Variants in TMEM132B observed in about 807,000 individuals in gnomAD.
TMEM132B encodes transmembrane protein 132B.
In TMEM132B, 18 loss-of-function variants were observed where a neutral mutation model predicts 90.8. That is an observed-to-expected ratio of 0.20 (90% CI 0.14 to 0.29). TMEM132B has a LOEUF of 0.29. Ranked by LOEUF, TMEM132B falls within the 10% of genes least tolerant of loss-of-function variation. The pLI is 1.00. For missense variants in TMEM132B, 1,096 were observed against 1,326.8 expected (o/e 0.83, Z 2.70); for synonymous variants, 504 against 523.3 (o/e 0.96, Z 0.50).
At chr12:125,358,756 A>G (rs1390756158) in intron 2 of TMEM132B, among the ~76,000 whole-genome samples, 3 of 152,148 alleles carry the variant, frequency 2.0e-5, no homozygotes, top group African/African-American at 7.2e-5. Flanking sequence ...CCGTTTCTCC[A>G]CTGTAAAGTT....
rs1160464360 is a variant in TMEM132B at position 125,407,765 on chromosome 12, T to TG, written c.960-7762dup. On this transcript the variant is annotated intron_variant, in intron 2 of 8. Coordinates refer to ENST00000682704, the MANE Select transcript of TMEM132B (RefSeq NM_001366854.1). This position sits in a 1 kb window ranked among gnomAD's most constrained non-coding sequence, Gnocchi z 6.7. ...TGGGGGAGAAACGCCTCTGTGTGTC[T>TG]GGGGTGGTGACATTTGGGTTCACCT... 1.3e-5 allele frequency among the ~76,000 whole-genome samples: 2 copies of TG among 152,134 alleles called. No individual in the cohort carries two copies. Among genetic ancestry groups the TG allele is most frequent in the Non-Finnish European group, 2.9e-5 (2 of 68,024 alleles).
chr12:125,608,612 G>A (rs1488895449), intron 5 of TMEM132B, among the ~76,000 whole-genome samples: 2 of 152,010 alleles, frequency 1.3e-5, no homozygotes, highest in Admixed American at 1.3e-4. Context: ...TTATTCAATT[G>A]TACTTTTGAT....
chr12:125,384,700 G>T (rs1282347731), intron 2 of TMEM132B, among the ~76,000 whole-genome samples: 1 of 152,120 alleles, frequency 6.6e-6, no homozygotes, highest in African/African-American at 2.4e-5. Context: ...GCTCAGGCTG[G>T]AGTGCGGCAG....
chr12:125,273,093 C>A (rs914881608), intron 1 of TMEM132B, among the ~76,000 whole-genome samples: 9 of 152,064 alleles, frequency 5.9e-5, no homozygotes, highest in African/African-American at 2.2e-4. Context: ...GGAATAAAAC[C>A]GTACAATGAA....
At chr12:125,346,617 T>G (rs1028869513) in intron 1 of TMEM132B, among the ~76,000 whole-genome samples, 2 of 152,210 alleles carry the variant, frequency 1.3e-5, no homozygotes, top group Admixed American at 1.3e-4. Context: ...GCTTCTGCAT[T>G]GCTCGACATT....
chr12:125,588,702 G>A (rs533197451), intron 5 of TMEM132B, among the ~76,000 whole-genome samples: 12 of 152,114 alleles, frequency 7.9e-5, no homozygotes, highest in Admixed American at 1.3e-4. Context: ...TGAGCTAAGG[G>A]CACATTTTCG....
At chr12:125,189,527 TG>T (rs58898103) in intron 1 of TMEM132B, among the ~76,000 whole-genome samples, 33 of 151,516 alleles carry the variant, frequency 2.2e-4, no homozygotes, top group South Asian at 1.3e-3. Flanking sequence ...ACAATAGTGA[TG>T]GGGGGGGTGC....
At chr12:125,484,998 G>A (rs1202192798) in intron 3 of TMEM132B, among the ~76,000 whole-genome samples, 1 of 152,128 alleles carries the variant, frequency 6.6e-6, no homozygotes, top group Non-Finnish European at 1.5e-5. Flanking sequence ...AGTGCCTGTT[G>A]CTTACAACCA....
At chr12:125,380,689 C>G (rs188376670) in intron 2 of TMEM132B, among the ~76,000 whole-genome samples, 32 of 152,298 alleles carry the variant, frequency 2.1e-4, no homozygotes, top group African/African-American at 7.7e-4. Flanking sequence ...TTTCCAGTTA[C>G]CCACAACTGG....
At chr12:125,481,152 T>G (rs1458739580) in intron 3 of TMEM132B, among the ~76,000 whole-genome samples, 2 of 152,212 alleles carry the variant, frequency 1.3e-5, no homozygotes. Flanking sequence ...GCCAGTATCA[T>G]ACTGAATAGG....
Position 125,479,092 on chromosome 12 carries a change from A to G in TMEM132B, c.1107-40347A>G, listed in dbSNP as rs138995789. Among the ~76,000 whole-genome samples, 274 of 152,370 alleles carry G rather than the reference A, an allele frequency of 1.8e-3. 3 individuals carry two copies. The highest frequency in any genetic ancestry group is 6.0e-3 in the African/African-American group (250 of 41,584). ...ATTTTGTCACCACCAGGCCTGCTTT[A>G]CAAGAGCTCCTGAGGGAAGCACTAA... On this transcript the variant is annotated intron_variant, in intron 3 of 8. Coordinates refer to ENST00000682704, the MANE Select transcript of TMEM132B (RefSeq NM_001366854.1).
At chr12:125,461,771 C>T (rs145729976) in intron 3 of TMEM132B, among the ~76,000 whole-genome samples, 1 of 152,236 alleles carries the variant, frequency 6.6e-6, no homozygotes, top group Admixed American at 6.5e-5. Flanking sequence ...CCAGTCCTTA[C>T]GTCCAGGGCG....
At chr12:125,484,576 A>T (rs1459795605) in intron 3 of TMEM132B, among the ~76,000 whole-genome samples, 2 of 152,078 alleles carry the variant, frequency 1.3e-5, no homozygotes, top group African/African-American at 2.4e-5. Context: ...TTAATTTGTT[A>T]TGTAACCCAG....
chr12:125,317,171 CTG>C, intron 1 of TMEM132B, among the ~76,000 whole-genome samples: 1 of 151,154 alleles, frequency 6.6e-6, no homozygotes, highest in South Asian at 2.1e-4. Context: ...CTTCCCCTCT[CTG>C]TGCCTCAGTT....
At chr12:125,290,224 A>T (rs1004624515) in intron 1 of TMEM132B, among the ~76,000 whole-genome samples, 1 of 152,256 alleles carries the variant, frequency 6.6e-6, no homozygotes, top group African/African-American at 2.4e-5. Flanking sequence ...AAGCTTCTGA[A>T]CAGCAGGCAA....
At chr12:125,544,766 G>A (rs966149122) in intron 4 of TMEM132B, among the ~76,000 whole-genome samples, 5 of 152,218 alleles carry the variant, frequency 3.3e-5, no homozygotes, top group Non-Finnish European at 7.3e-5. Flanking sequence ...TGAGGTCAGA[G>A]GAGCAGTGGG....
intron 5 of TMEM132B, among the ~76,000 whole-genome samples, chr12:125,614,025 T>A (rs1211353062): frequency 6.6e-6 from 1 of 152,102 alleles, no homozygotes; most frequent in Admixed American, 6.6e-5. Flanking sequence ...ATACATACTG[T>A]TTTATATTAT....
At chr12:125,409,654 TGGAGTGGAGTGAGTG>T (rs1566026210) in intron 2 of TMEM132B, among the ~76,000 whole-genome samples, 8 of 50,772 alleles carry the variant, frequency 1.6e-4, no homozygotes, top group Non-Finnish European at 1.9e-4. Context: ...TGGAGTGGAG[TGGAGTGGAGTGAGTG>T]GAGTGGAGTG....
intron 4 of TMEM132B, among the ~76,000 whole-genome samples, chr12:125,553,039 G>T (rs904800925): frequency 6.6e-6 from 1 of 152,214 alleles, no homozygotes; most frequent in Admixed American, 6.5e-5. Context: ...TCACATTCTC[G>T]ACATTGTAGA....
Sources: gnomAD v4.1 joint callset for allele counts (sites outside exome capture counted in the v4.1 genomes callset) on GRCh38, gnomAD v4.1.1 for gene constraint, Gnocchi (gnomAD v3.1) non-coding constraint, MANE v1.5 for transcripts, NCBI Gene and HGNC (gene_info 2026-07-23, HGNC 2026-07-21) for gene names.